DST: variants seen among roughly 807,000 people sequenced by gnomAD.
DST encodes the protein dystonin.
A neutral mutation model predicts 875.2 loss-of-function variants in DST; 253 were observed. The ratio of observed to expected loss-of-function variants is 0.29; its 90% CI spans 0.26 to 0.32. The LOEUF (loss-of-function observed/expected upper bound fraction) is 0.32. DST is among the 10% of genes least tolerant of loss of function. DST has a pLI of 1.00. For synonymous variants in DST, 3,124 were observed against 3,197.1 expected (o/e 0.98, Z 0.77); for missense variants, 8,287 against 9,111.6 (o/e 0.91, Z 3.68).
intron 54 of DST, among the ~76,000 whole-genome samples, chr6:56,569,223 G>A (rs998983683): frequency 4.6e-5 from 7 of 151,252 alleles, no homozygotes; most frequent in Admixed American, 2.0e-4. Flanking sequence ...TACTAGGGAG[G>A]CTGAGGCAGG....
chr6:56,570,774 C>T (rs1419110830), intron 53 of DST, among the ~76,000 whole-genome samples: 6 of 152,172 alleles, frequency 3.9e-5, no homozygotes, highest in Non-Finnish European at 8.8e-5. Context: ...TGTAATGGCA[C>T]TCTCTATAAT....
chr6:56,735,200 C>G, intron 5 of DST, 28 bp downstream of exon 5: 1 of 1,453,132 alleles, frequency 6.9e-7, no homozygotes, highest in Non-Finnish European at 9.4e-7. Flanking sequence ...CCAAACAATT[C>G]CAGGAAGTGA....
chr6:56,614,304 G>A (rs2098589934), intron 37 of DST, 52 bp downstream of exon 37: 1 of 1,512,066 alleles, frequency 6.6e-7, no homozygotes, highest in Non-Finnish European at 8.9e-7. Context: ...TGTCAACTCA[G>A]TTAACGTCCC....
chr6:56,827,119 A>G (rs2099781470), intron 4 of DST, among the ~76,000 whole-genome samples: 1 of 152,228 alleles, frequency 6.6e-6, no homozygotes, highest in South Asian at 2.1e-4. Context: ...TTCACTTGTC[A>G]GTTCCAAACG....
intron 3 of DST, among the ~76,000 whole-genome samples, chr6:56,872,840 T>TC (rs1777983707): frequency 7.0e-6 from 1 of 142,366 alleles, no homozygotes; most frequent in Non-Finnish European, 1.5e-5. Flanking sequence ...CCCTTTTTTT[T>TC]TTTTTCGGAT....
chr6:56,464,777 T>C (rs1312532363), intron 99 of DST, 21 bp from the exon 100 acceptor site: 1 of 1,548,758 alleles, frequency 6.5e-7, no homozygotes, highest in Non-Finnish European at 8.8e-7. Context: ...TGACACAGGA[T>C]ACCAATCACA....
chr6:56,628,215 G>A, intron 32 of DST, 54 bp from the exon 33 acceptor site: 1 of 1,499,024 alleles, frequency 6.7e-7, no homozygotes, highest in Non-Finnish European at 9.3e-7. Flanking sequence ...CATCAGGAGG[G>A]TGGAAGATGT....
chr6:56,717,495 AGAG>A (rs1187952701), intron 5 of DST, among the ~76,000 whole-genome samples: 2 of 152,200 alleles, frequency 1.3e-5, no homozygotes. Flanking sequence ...CTAAGGGATG[AGAG>A]GAGTCTAAAT....
chr6:56,584,532 C>CAT (rs1378299152), intron 49 of DST, among the ~76,000 whole-genome samples: 1 of 149,552 alleles, frequency 6.7e-6, no homozygotes, highest in Non-Finnish European at 1.5e-5. Flanking sequence ...AATCATGTTG[C>CAT]CTGCAAACAG....
At chr6:56,844,785 C>G (rs199675977) in intron 4 of DST, among the ~76,000 whole-genome samples, 10 of 151,184 alleles carry the variant, frequency 6.6e-5, no homozygotes, top group African/African-American at 2.4e-4. Context: ...AGGCAGAGAA[C>G]TGCTTGAACC....
chr6:56,840,020 T>C (rs1354673999), intron 4 of DST, among the ~76,000 whole-genome samples: 3 of 152,146 alleles, frequency 2.0e-5, no homozygotes, highest in Admixed American at 6.5e-5. Flanking sequence ...TCCAGATCAA[T>C]AGAAAAATAA....
intron 36 of DST, chr6:56,615,222 T>TG (rs1439347545): frequency 8.4e-7 from 1 of 1,188,916 alleles, no homozygotes; most frequent in Non-Finnish European, 1.1e-6. Flanking sequence ...ACTGTGAACT[T>TG]GGAGTTCATC....
chr6:56,721,148 G>GC lies in DST; in HGVS notation c.687+14079dup, dbSNP rs1390145956. On this transcript the variant is annotated intron_variant, in intron 5 of 103. Transcript: ENST00000680361. ...ACAGGGCAGCTGCTGGGCAGGGGCG[G>GC]CCCCCCCCACCTCCCAGATGGGGCG... is the stretch of plus-strand genomic sequence containing the variant. Among the ~76,000 whole-genome samples, 45 of 147,226 alleles carry GC rather than the reference G, an allele frequency of 3.1e-4. 1 individual carries two copies. The South Asian group carries it at 3.4e-3, about 11-fold the overall frequency.
chr6:56,952,281 A>C (rs1199105879), intron 2 of DST, among the ~76,000 whole-genome samples: 2 of 152,220 alleles, frequency 1.3e-5, no homozygotes. Flanking sequence ...TTTGTGCTTT[A>C]GCTGAAATAT....
intron 4 of DST, among the ~76,000 whole-genome samples, chr6:56,835,631 C>G (rs952078396): frequency 6.6e-6 from 1 of 152,164 alleles, no homozygotes; most frequent in Non-Finnish European, 1.5e-5. Context: ...TCAGAATATT[C>G]CATATGCCCT....
Position 56,504,089 on chromosome 6 carries a change from C to A in DST, c.19474G>T (p.Asp6492Tyr). 1.2e-6 allele frequency: 2 copies of A among 1,607,482 alleles called. No individual in the cohort carries two copies. Among genetic ancestry groups the A allele is most frequent in the South Asian group, 2.2e-5 (2 of 89,558 alleles). The change falls in exon 78 of 104, where the codon GAC becomes TAC. Residue 6492 changes from aspartate (D) to tyrosine (Y), a missense_variant. Transcript: ENST00000680361. Reference protein sequence around the residue: ...QYQDGLQAVFDWVDIAGGKLA... With the variant: ...QYQDGLQAVFYWVDIAGGKLA... Reference sequence around the variant, plus strand: ...TTACCACCTGCAATATCTACCCAGTCAAATACCGCCTGAAAGACACATTCG... The same window carrying A: ...TTACCACCTGCAATATCTACCCAGTAAAATACCGCCTGAAAGACACATTCG...
At chr6:56,468,403 T>A (rs558602685) in intron 98 of DST, among the ~76,000 whole-genome samples, 3 of 152,190 alleles carry the variant, frequency 2.0e-5, no homozygotes, top group African/African-American at 7.2e-5. Context: ...AAAAGGAATA[T>A]TACTTAAAGC....
In DST at chr6:56,608,078, CA is replaced by C. The variant is rs1563154706; in HGVS notation, c.6549del (p.Phe2183LeufsTer23). 1 of 1,613,554 alleles carries C rather than the reference CA, an allele frequency of 6.2e-7. No individual in the cohort carries two copies. The highest frequency in any genetic ancestry group is 8.5e-7 in the Non-Finnish European group (1 of 1,179,718). ...VHDYRQEEDV[F>X]DGEEPVTTQT... ...TGAGTAGTGACAGGTTCTTCTCCAT[CA>C]AAAACATCCTCTTCTTGTCTGTAAT... On this transcript the variant is annotated frameshift_variant, in exon 40 of 104. Transcript: ENST00000680361. LOFTEE classifies it high-confidence loss of function.
intron 49 of DST, 58 bp from the exon 50 acceptor site, chr6:56,578,995 T>C (rs1470691361): frequency 3.6e-6 from 5 of 1,390,642 alleles, no homozygotes; most frequent in Non-Finnish European, 4.8e-6. Flanking sequence ...AGATTTCTAA[T>C]GTGGAAAAAA....
Sources: allele counts gnomAD v4.1 joint callset (sites outside exome capture counted in the v4.1 genomes callset), GRCh38; gene constraint gnomAD v4.1.1; transcripts MANE v1.5; gene names NCBI Gene and HGNC (gene_info 2026-07-23, HGNC 2026-07-21).